Variants in ODR4 observed in about 807,000 individuals in gnomAD.
ODR4 encodes protein odr-4 homolog.
In ODR4, 47 loss-of-function variants were observed where a neutral mutation model predicts 60.2. That is an observed-to-expected ratio of 0.78 (90% confidence interval 0.62 to 1.00). The LOEUF is 1.00. ODR4 is among the 50% of genes least tolerant of loss of function. The probability of loss-of-function intolerance (pLI) is 0.00; values close to 1 mark genes in which losing one functional copy is unlikely to be tolerated. For synonymous variants in ODR4, 178 were observed against 175.5 expected, an observed-to-expected ratio of 1.01 and a Z score of -0.11; for missense variants, 488 against 530.8, an observed-to-expected ratio of 0.92 and a Z score of 0.79.
chr1:186,383,556 G>A (rs1225120688), intron 3 of ODR4, among the ~76,000 whole-genome samples: 1 of 151,936 alleles, frequency 6.6e-6, no homozygotes, highest in South Asian at 2.1e-4. Context: ...TGCACATTCT[G>A]CGTTTTTGTT....
chr1:186,403,702 C>T (rs1558086954), intron 11 of ODR4, among the ~76,000 whole-genome samples: 2 of 151,726 alleles, frequency 1.3e-5, no homozygotes, highest in Non-Finnish European at 2.9e-5. Context: ...AATCCTTGCA[C>T]TTGTTGTGAT....
downstream of ODR4, among the ~76,000 whole-genome samples, chr1:186,424,621 C>T (rs1219182980): frequency 2.0e-5 from 3 of 151,712 alleles, no homozygotes; most frequent in African/African-American, 7.3e-5. Context: ...TGGTTTTGCG[C>T]CACATGATGG....
Position 186,417,597 on chromosome 1 carries a change from G to C in ODR4, c.1240G>C (p.Glu414Gln). 6.2e-7 allele frequency: 1 copy of C among 1,604,144 alleles called. No individual in the cohort carries two copies. The highest frequency in any genetic ancestry group is 1.7e-4 in the Middle Eastern group (1 of 6,010). ...SQASLDNTDDEQPKQPIKTTM... is the reference protein window; with the variant it reads ...SQASLDNTDDQQPKQPIKTTM... Reference sequence around the variant, plus strand: ...AGCTTCATTGGACAACACAGATGATGAACAACCAAAACAACCAATTAAAAC... The same window carrying C: ...AGCTTCATTGGACAACACAGATGATCAACAACCAAAACAACCAATTAAAAC... Residue 414 changes from glutamate to glutamine, a missense_variant, in exon 13 of 14, where the codon GAA (glutamate) becomes CAA (glutamine). Glu to Gln is a conservative substitution (Grantham distance 29). Coordinates refer to ENST00000287859, the MANE Select transcript of ODR4 (RefSeq NM_017847.6).
intron 12 of ODR4, chr1:186,411,801 A>T (rs948776499): frequency 1.1e-6 from 1 of 895,754 alleles, no homozygotes; most frequent in Admixed American, 6.2e-5. Context: ...TCTCTTTTTT[A>T]TGCTGACAGT....
In ODR4 at chr1:186,419,237, G is replaced by T. The variant is rs537618407; in HGVS notation, c.*161G>T. 1 of 644,304 alleles carries T rather than the reference G, an allele frequency of 1.6e-6. No individual in the cohort carries two copies. The highest frequency in any genetic ancestry group is 2.7e-6 in the Non-Finnish European group (1 of 371,976). 39.9% of individuals were successfully genotyped at this position (644,304 alleles called of 1,614,324 possible). ...TCTGATTAAAATGAAATCACAAGCT[G>T]CCTTGTTTAGCCTGCTTTACATTGT... On this transcript the variant is annotated 3_prime_UTR_variant, in exon 14 of 14. Coordinates refer to ENST00000287859, the MANE Select transcript of ODR4 (RefSeq NM_017847.6).
intron 10 of ODR4, among the ~76,000 whole-genome samples, chr1:186,398,687 G>A (rs1206667801): frequency 6.6e-6 from 1 of 152,052 alleles, no homozygotes; most frequent in Non-Finnish European, 1.5e-5. Context: ...ATACATATTA[G>A]TATCTAATTT....
the ODR4 span, among the ~76,000 whole-genome samples, chr1:186,430,199 T>C: frequency 6.6e-6 from 1 of 152,138 alleles, no homozygotes; most frequent in African/African-American, 2.4e-5. Flanking sequence ...TTTGTCTTAA[T>C]AATCAGAAGT....
chr1:186,412,304 A>G (rs1661407697), intron 12 of ODR4, among the ~76,000 whole-genome samples: 1 of 152,182 alleles, frequency 6.6e-6, no homozygotes, highest in Non-Finnish European at 1.5e-5. Flanking sequence ...ATGAACAGAG[A>G]AGAGTCAGAA....
At chr1:186,392,051 C>T (rs1419222037) in intron 8 of ODR4, among the ~76,000 whole-genome samples, 2 of 152,118 alleles carry the variant, frequency 1.3e-5, no homozygotes, top group Non-Finnish European at 2.9e-5. Flanking sequence ...GCATTACTAT[C>T]GGTAGAGAAA....
At chr1:186,396,620 A>G (rs1297506980) in intron 9 of ODR4, among the ~76,000 whole-genome samples, 4 of 151,956 alleles carry the variant, frequency 2.6e-5, no homozygotes. Flanking sequence ...AACAAAACAA[A>G]ATAAAACTAA....
chr1:186,396,922 TACTC>T (rs751425275), intron 9 of ODR4, among the ~76,000 whole-genome samples: 2 of 152,214 alleles, frequency 1.3e-5, no homozygotes, highest in Non-Finnish European at 2.9e-5. Context: ...GGAAGCCTGT[TACTC>T]CTCCTCCAAC....
intron 3 of ODR4, among the ~76,000 whole-genome samples, chr1:186,385,476 G>T (rs1165168868): frequency 6.6e-6 from 1 of 151,494 alleles, no homozygotes; most frequent in Non-Finnish European, 1.5e-5. Flanking sequence ...GATCAGAGAA[G>T]GCAGCTTCCT....
chr1:186,376,623 T>C (rs1659779432), intron 1 of ODR4, among the ~76,000 whole-genome samples: 1 of 152,238 alleles, frequency 6.6e-6, no homozygotes, highest in South Asian at 2.1e-4. Context: ...CATTTTATGA[T>C]ATTTTGTAAT....
At position 186,416,855 on chromosome 1, in the gene ODR4, CAAAAAAAAAAAAA is replaced by C. The variant is rs71104859; in HGVS notation, c.1187-680_1187-668del. Among the ~76,000 whole-genome samples, 518 of 85,728 alleles carry C rather than the reference CAAAAAAAAAAAAA, an allele frequency of 6.0e-3. 7 individuals carry two copies. The highest frequency in any genetic ancestry group is 0.025 in the African/African-American group (505 of 20,162). The allele number at this position is 85,728 out of a possible 152,430, so 56.2% of individuals were successfully genotyped here. ...TGGGTGACAGAGTAGGATTCTGTCTCAAAAAAAAAAAAAAAAAAAAAGTAAATTAATCTCAAGA... is the reference window on the plus strand; with the variant it reads ...TGGGTGACAGAGTAGGATTCTGTCTCAAAAAAAAGTAAATTAATCTCAAGA... On this transcript the variant is annotated intron_variant, in intron 12 of 13. Coordinates refer to ENST00000287859, the MANE Select transcript of ODR4 (RefSeq NM_017847.6).
chr1:186,429,272 GA>G, the ODR4 span, among the ~76,000 whole-genome samples: 3 of 142,658 alleles, frequency 2.1e-5, no homozygotes, highest in Admixed American at 7.0e-5. Context: ...TCTGTCTCAA[GA>G]AAAAAAAAAG....
chr1:186,428,499 C>A, the ODR4 span, among the ~76,000 whole-genome samples: 2 of 152,186 alleles, frequency 1.3e-5, no homozygotes, highest in Admixed American at 6.5e-5. Flanking sequence ...ACCACTCAGA[C>A]TTTCTCCATA....
chr1:186,406,384 C>T (rs1661176023), intron 12 of ODR4, 116 bp downstream of exon 12: 1 of 656,416 alleles, frequency 1.5e-6, no homozygotes, highest in Admixed American at 3.1e-5. Context: ...TTCTGTTTGA[C>T]ACTTCGAAAT....
chr1:186,408,189 A>G (rs1661240043), intron 12 of ODR4, among the ~76,000 whole-genome samples: 1 of 152,144 alleles, frequency 6.6e-6, no homozygotes, highest in Non-Finnish European at 1.5e-5. Context: ...GTAACTTTTC[A>G]AAGTTACATT....
Position 186,419,242 on chromosome 1 carries a change from G to A in ODR4, c.*166G>A. On this transcript the variant is annotated 3_prime_UTR_variant, in exon 14 of 14. Coordinates refer to ENST00000287859, the MANE Select transcript of ODR4 (RefSeq NM_017847.6). ...TTAAAATGAAATCACAAGCTGCCTTGTTTAGCCTGCTTTACATTGTAGGTG... is the reference window on the plus strand; with the variant it reads ...TTAAAATGAAATCACAAGCTGCCTTATTTAGCCTGCTTTACATTGTAGGTG... The A allele has an allele frequency of 1.6e-6, 1 of 645,130 alleles. No individual in the cohort carries two copies. Among genetic ancestry groups the A allele is most frequent in the Non-Finnish European group, 2.7e-6 (1 of 372,238 alleles). 40.0% of individuals were successfully genotyped at this position (645,130 alleles called of 1,614,324 possible).
Sources: gnomAD v4.1 joint callset for allele counts (sites outside exome capture counted in the v4.1 genomes callset) on GRCh38, gnomAD v4.1.1 for gene constraint, MANE v1.5 for transcripts, NCBI Gene and HGNC (gene_info 2026-07-23, HGNC 2026-07-21) for gene names.